Variants in ROCK1 observed in about 807,000 individuals in gnomAD.
The protein encoded by ROCK1 is Rho associated coiled-coil containing protein kinase 1.
Under a neutral mutation model 196.8 loss-of-function variants are expected in ROCK1, and 36 were observed. The ratio of observed to expected loss-of-function variants is 0.18; its 90% CI spans 0.14 to 0.24. The LOEUF is 0.24. ROCK1 is among the 10% of genes least tolerant of loss of function. The pLI, the probability that ROCK1 is intolerant of heterozygous loss-of-function variation, is 1.00. For missense variants in ROCK1, 920 were observed against 1,562.0 expected (o/e 0.59, Z 6.93); for synonymous variants, 443 against 515.9 (o/e 0.86, Z 1.91).
intron 1 of ROCK1, among the ~76,000 whole-genome samples, chr18:21,074,406 C>T (rs1691191723): frequency 6.6e-6 from 1 of 152,226 alleles, no homozygotes; most frequent in African/African-American, 2.4e-5. Flanking sequence ...AATGGCTCTT[C>T]CCAATCAGTC....
At chr18:21,053,560 G>T (rs577822577) in intron 2 of ROCK1, among the ~76,000 whole-genome samples, 7 of 152,318 alleles carry the variant, frequency 4.6e-5, no homozygotes, top group African/African-American at 1.7e-4. Flanking sequence ...TTTGGGCTGG[G>T]CATGATGGCT....
At chr18:21,106,955 T>C (rs2036708240) in intron 1 of ROCK1, among the ~76,000 whole-genome samples, 3 of 152,234 alleles carry the variant, frequency 2.0e-5, no homozygotes, top group Admixed American at 6.5e-5. Flanking sequence ...GAACTAGAAG[T>C]GTTTCAGACT....
Position 20,970,398 on chromosome 18 carries a change from C to G in ROCK1, c.2770G>C (p.Ala924Pro). 2 of 1,613,906 alleles carry G rather than the reference C, an allele frequency of 1.2e-6. No homozygotes were observed. Among genetic ancestry groups the G allele is most frequent in the Non-Finnish European group, 1.7e-6 (2 of 1,179,874 alleles). Reference protein sequence around the residue: ...FELTQESKKAASRNRQEITDK... With the variant: ...FELTQESKKAPSRNRQEITDK... ...GTAATCTCTTGTCTATTTCTTGAAG[C>G]AGCTTTCTTGCTTTCTTGCGTCAAT... The change falls in exon 23 of 33, where the codon GCT becomes CCT. Residue 924 changes from alanine (A) to proline (P), a missense_variant. Coordinates refer to ENST00000399799, the MANE Select transcript of ROCK1 (RefSeq NM_005406.3).
At chr18:21,028,551 ATATAG>A (rs1270950913) in intron 10 of ROCK1, among the ~76,000 whole-genome samples, 2 of 152,212 alleles carry the variant, frequency 1.3e-5, no homozygotes, top group Non-Finnish European at 2.9e-5. Context: ...ACTTGAGGAT[ATATAG>A]TATATCATTT....
At chr18:21,092,957 T>C (rs1463236737) in intron 1 of ROCK1, among the ~76,000 whole-genome samples, 2 of 152,214 alleles carry the variant, frequency 1.3e-5, no homozygotes, top group Non-Finnish European at 2.9e-5. Context: ...GATAATTTAA[T>C]AATGGTAAAT....
Position 20,987,012 on chromosome 18 carries a change from G to C in ROCK1, c.2242C>G (p.Leu748Val). ...EKQCSMLDVD[L>V]KQSQQKLEHL... ...TCTAGTTTCTGCTGAGATTGCTTCA[G>C]ATCAACGTCTAGCATGGAACACTGT... Residue 748 changes from leucine (L) to valine (V), a missense_variant, in exon 19 of 33, where the codon CTG becomes GTG. Leu to Val is a conservative substitution (Grantham distance 32). This residue lies in a region of ROCK1 where 520 missense variants were observed against 657.1 expected (regional missense o/e 0.79). Coordinates refer to ENST00000399799, the MANE Select transcript of ROCK1 (RefSeq NM_005406.3). 1 of 1,610,746 alleles carries C rather than the reference G, an allele frequency of 6.2e-7. No homozygotes were observed. The highest frequency in any genetic ancestry group is 8.5e-7 in the Non-Finnish European group (1 of 1,179,022).
intron 24 of ROCK1, 109 bp downstream of exon 24, chr18:20,969,005 GA>G (rs954513686): frequency 1.1e-6 from 1 of 880,416 alleles, no homozygotes; most frequent in African/African-American, 1.7e-5. Context: ...TAAGGCTACA[GA>G]AGTTACTTAA....
rs1598502935 is a variant in ROCK1, at chr18:20,949,157, T to C, written c.*2227A>G. The C allele has an allele frequency of 6.6e-6, 1 of 152,300 alleles. No individual in the cohort carries two copies. The highest frequency in any genetic ancestry group is 1.5e-5 in the Non-Finnish European group (1 of 68,026). The allele number at this position is 152,300 out of a possible 1,614,324, so 9.4% of individuals were successfully genotyped here. A position where few individuals can be genotyped will look rare whatever the true frequency, so the allele number is the denominator to read the frequency against. On this transcript the variant is annotated 3_prime_UTR_variant, in exon 33 of 33. Transcript: ENST00000399799. ...TCAGATTAGTATGTCATTTGGAAAG[T>C]CTTCTCTTGCTTAAACTAATTAGAA...
chr18:21,096,658 T>C (rs950635133), intron 1 of ROCK1, among the ~76,000 whole-genome samples: 7 of 152,224 alleles, frequency 4.6e-5, no homozygotes, highest in African/African-American at 4.8e-5. Context: ...AGAATTATTA[T>C]GTTTAGCCCA....
chr18:21,061,430 A>G (rs1381288963), intron 2 of ROCK1, among the ~76,000 whole-genome samples: 1 of 152,166 alleles, frequency 6.6e-6, no homozygotes, highest in Admixed American at 6.5e-5. Flanking sequence ...AAGGCTATAC[A>G]CTGTATGATT....
At chr18:20,959,156 ATT>A (rs2035298554) in intron 29 of ROCK1, among the ~76,000 whole-genome samples, 3 of 69,210 alleles carry the variant, frequency 4.3e-5, no homozygotes, top group African/African-American at 1.4e-4. Context: ...AAATATATAT[ATT>A]ATATATTATA....
chr18:20,988,729 G>C (rs2035597760), intron 18 of ROCK1, among the ~76,000 whole-genome samples: 1 of 152,068 alleles, frequency 6.6e-6, no homozygotes, highest in Non-Finnish European at 1.5e-5. Flanking sequence ...CCCCCATCCA[G>C]GGCAGTGCCA....
rs1189699681 is a variant in ROCK1, at chr18:20,948,542, G to A, written c.*2842C>T. 1.3e-5 allele frequency: 2 copies of A among 149,530 alleles called. No homozygotes were observed. Among genetic ancestry groups the A allele is most frequent in the Non-Finnish European group, 2.9e-5 (2 of 67,994 alleles). 9.3% of individuals were successfully genotyped at this position (149,530 alleles called of 1,614,324 possible). A position where few individuals can be genotyped will look rare whatever the true frequency, so the allele number is the denominator to read the frequency against. ...AAACCCCAAATGACAGGTCATGAGT[G>A]AACCTGTGAATAATGACAGTGGCTA... On this transcript the variant is annotated 3_prime_UTR_variant, in exon 33 of 33. Transcript: ENST00000399799.
chr18:21,089,802 A>G (rs1463777360), intron 1 of ROCK1, among the ~76,000 whole-genome samples: 1 of 152,214 alleles, frequency 6.6e-6, no homozygotes, highest in Admixed American at 6.5e-5. Flanking sequence ...GAACGGTTGT[A>G]TGGGTACTCA....
chr18:20,972,983 A>G (rs1365038519), intron 22 of ROCK1, among the ~76,000 whole-genome samples: 1 of 151,894 alleles, frequency 6.6e-6, no homozygotes, highest in Non-Finnish European at 1.5e-5. Flanking sequence ...GGGTTGAAGC[A>G]ATTCCCCTGC....
intron 5 of ROCK1, 73 bp downstream of exon 5, chr18:21,045,219 G>T: frequency 7.5e-7 from 1 of 1,327,338 alleles, no homozygotes; most frequent in Non-Finnish European, 1.0e-6. Context: ...TGAACTGAGA[G>T]TAAGAAATGT....
At chr18:21,000,856 C>T (rs1212317843) in intron 16 of ROCK1, among the ~76,000 whole-genome samples, 1 of 152,120 alleles carries the variant, frequency 6.6e-6, no homozygotes, top group Non-Finnish European at 1.5e-5. Flanking sequence ...TTGGAAATTC[C>T]TCCAAAGTTA....
chr18:21,006,829 T>C, intron 14 of ROCK1, 39 bp from the exon 15 acceptor site: 1 of 1,285,222 alleles, frequency 7.8e-7, no homozygotes. Flanking sequence ...ATTACAACAT[T>C]TTCATAGGGG....
Position 20,984,545 on chromosome 18 carries a change from A to T in ROCK1, c.2305-10T>A. 1 of 1,577,656 alleles carries T rather than the reference A, an allele frequency of 6.3e-7. No homozygotes were observed. The highest frequency in any genetic ancestry group is 1.2e-5 in the South Asian group (1 of 85,198). ...GGGTTAGATTCTTAACCTATGAATG[A>T]GAAAAATAATTGGGATCTTAAATCT... On this transcript the variant is annotated splice_polypyrimidine_tract_variant and intron_variant, in intron 19 of 32. Transcript: ENST00000399799.
Sources: allele counts gnomAD v4.1 joint callset (sites outside exome capture counted in the v4.1 genomes callset), GRCh38; gene constraint gnomAD v4.1.1; regional missense constraint gnomAD v4.1.1; transcripts MANE v1.5; gene names NCBI Gene and HGNC (gene_info 2026-07-23, HGNC 2026-07-21).